LRRC4C: variants seen among roughly 807,000 people sequenced by gnomAD.
LRRC4C encodes the protein leucine rich repeat containing 4C.
In LRRC4C, 5 loss-of-function variants were observed where a neutral mutation model predicts 33.6. The observed-to-expected ratio is 0.15, with a 90% CI of 0.08 to 0.31. The LOEUF (loss-of-function observed/expected upper bound fraction) is 0.31, where lower values mean the gene tolerates loss of function less well. LRRC4C is among the 10% of genes least tolerant of loss of function. The probability of loss-of-function intolerance (pLI) is 1.00; values close to 1 mark genes in which losing one functional copy is unlikely to be tolerated. For synonymous variants in LRRC4C, 329 were observed against 302.0 expected (o/e 1.09, Z -0.93); for missense variants, 560 against 796.7 (o/e 0.70, Z 3.58).
intron 1 of LRRC4C, among the ~76,000 whole-genome samples, chr11:41,168,855 A>G (rs1302656446): frequency 2.0e-5 from 3 of 152,214 alleles, no homozygotes; most frequent in African/African-American, 7.2e-5. Flanking sequence ...AAGTTCAATC[A>G]CTTCTAACAT....
intron 1 of LRRC4C, among the ~76,000 whole-genome samples, chr11:41,226,677 T>C (rs571070893): frequency 6.6e-6 from 1 of 151,686 alleles, no homozygotes; most frequent in Admixed American, 6.6e-5. Context: ...TTTGTTCCTG[T>C]ATTTTCACCT....
At chr11:41,120,981 C>A (rs1447731170) in intron 1 of LRRC4C, among the ~76,000 whole-genome samples, 4 of 152,130 alleles carry the variant, frequency 2.6e-5, no homozygotes, top group African/African-American at 9.7e-5. Flanking sequence ...TTCCTGAGGC[C>A]TCCCAGTCAC....
intron 4 of LRRC4C, among the ~76,000 whole-genome samples, chr11:40,263,533 G>T (rs934928187): frequency 6.6e-6 from 1 of 151,984 alleles, no homozygotes; most frequent in African/African-American, 2.4e-5. Context: ...ACAGTTTTGG[G>T]GGCGGGGGAT....
At chr11:41,346,624 CAT>C (rs1423372196) in intron 1 of LRRC4C, among the ~76,000 whole-genome samples, 2 of 152,088 alleles carry the variant, frequency 1.3e-5, no homozygotes, top group Non-Finnish European at 2.9e-5. Context: ...AGAAGAAAAA[CAT>C]AATTCTGTAG....
chr11:40,973,369 C>A (rs372415021), intron 1 of LRRC4C, among the ~76,000 whole-genome samples: 1 of 151,802 alleles, frequency 6.6e-6, no homozygotes, highest in Non-Finnish European at 1.5e-5. Flanking sequence ...CAAACAAAAA[C>A]CAAAAAAACA....
intron 1 of LRRC4C, among the ~76,000 whole-genome samples, chr11:41,233,544 G>A (rs571907573): frequency 2.6e-5 from 4 of 151,938 alleles, no homozygotes; most frequent in East Asian, 1.9e-4. Context: ...ACATAAAAAC[G>A]CCTAGAAGAA....
intron 4 of LRRC4C, among the ~76,000 whole-genome samples, chr11:40,258,310 A>C (rs1244051306): frequency 6.6e-6 from 1 of 152,182 alleles, no homozygotes; most frequent in African/African-American, 2.4e-5. Context: ...CCACCTCAAA[A>C]AACAATTTCA....
intron 4 of LRRC4C, among the ~76,000 whole-genome samples, chr11:40,271,702 C>T (rs984036940): frequency 2.0e-5 from 3 of 152,198 alleles, no homozygotes; most frequent in Admixed American, 2.0e-4. Flanking sequence ...CCATCAGCTC[C>T]GAATGTAGAC....
At chr11:40,235,500 A>T (rs1425981935) in intron 5 of LRRC4C, among the ~76,000 whole-genome samples, 1 of 152,196 alleles carries the variant, frequency 6.6e-6, no homozygotes, top group Non-Finnish European at 1.5e-5. Flanking sequence ...CTTAAAGTCG[A>T]TGGGAGTTGA....
At chr11:41,340,399 A>T (rs1951591838) in intron 1 of LRRC4C, among the ~76,000 whole-genome samples, 1 of 152,230 alleles carries the variant, frequency 6.6e-6, no homozygotes, top group Non-Finnish European at 1.5e-5. Flanking sequence ...TATATGGGGC[A>T]TAAGGCACCC....
At chr11:40,496,200 C>T (rs1171281913) in intron 3 of LRRC4C, among the ~76,000 whole-genome samples, 1 of 152,126 alleles carries the variant, frequency 6.6e-6, no homozygotes, top group African/African-American at 2.4e-5. Flanking sequence ...TTCATTTTTA[C>T]CTCCCTGATC....
At chr11:41,117,473 A>G (rs966187473) in intron 1 of LRRC4C, among the ~76,000 whole-genome samples, 1 of 152,202 alleles carries the variant, frequency 6.6e-6, no homozygotes, top group Non-Finnish European at 1.5e-5. Flanking sequence ...TCTGTAAACT[A>G]TGATAGCAAC....
At chr11:40,748,106 T>C (rs1232169242) in intron 2 of LRRC4C, among the ~76,000 whole-genome samples, 1 of 152,122 alleles carries the variant, frequency 6.6e-6, no homozygotes, top group Non-Finnish European at 1.5e-5. Context: ...CCATATAATA[T>C]AGTCAAACTG....
At chr11:40,131,596 A>G (rs760617601) in intron 6 of LRRC4C, among the ~76,000 whole-genome samples, 2 of 152,170 alleles carry the variant, frequency 1.3e-5, no homozygotes, top group Non-Finnish European at 2.9e-5. Flanking sequence ...CTTAAAAATC[A>G]GAGACACAAA....
At chr11:40,390,252 G>T (rs1166716379) in intron 3 of LRRC4C, among the ~76,000 whole-genome samples, 1 of 152,088 alleles carries the variant, frequency 6.6e-6, no homozygotes, top group Non-Finnish European at 1.5e-5. Flanking sequence ...AGCTGTACGA[G>T]ACAGTTAAAG....
intron 1 of LRRC4C, among the ~76,000 whole-genome samples, chr11:41,133,150 C>G (rs1478699998): frequency 6.6e-6 from 1 of 152,118 alleles, no homozygotes; most frequent in Non-Finnish European, 1.5e-5. Flanking sequence ...AAGACCATAG[C>G]TTTTCATCTC....
At chr11:40,638,996 T>G (rs541515950) in intron 3 of LRRC4C, among the ~76,000 whole-genome samples, 4 of 152,222 alleles carry the variant, frequency 2.6e-5, no homozygotes, top group Middle Eastern at 3.4e-3. Context: ...CCGAAGTTGG[T>G]GGCCCTTTGT....
intron 1 of LRRC4C, among the ~76,000 whole-genome samples, chr11:41,457,941 T>G (rs1316354153): frequency 6.6e-6 from 1 of 152,074 alleles, no homozygotes; most frequent in Non-Finnish European, 1.5e-5. Context: ...AATCTCTTCT[T>G]TAAGTTTTTT....
At chr11:40,787,189 C>A (rs1252131106) in intron 2 of LRRC4C, among the ~76,000 whole-genome samples, 1 of 151,530 alleles carries the variant, frequency 6.6e-6, no homozygotes, top group Admixed American at 6.6e-5. Context: ...TTATGAATTT[C>A]TTTAGAGAAA....
Sources: allele counts gnomAD v4.1 joint callset (sites outside exome capture counted in the v4.1 genomes callset), GRCh38; gene constraint gnomAD v4.1.1; transcripts MANE v1.5; gene names NCBI Gene and HGNC (gene_info 2026-07-23, HGNC 2026-07-21).